GRIP1: variants seen among roughly 807,000 people sequenced by gnomAD.
The protein encoded by GRIP1 is glutamate receptor-interacting protein 1.
Under a neutral mutation model 129.9 loss-of-function variants are expected in GRIP1, and 45 were observed. That is an observed-to-expected ratio of 0.35 (90% confidence interval 0.27 to 0.44). The LOEUF (loss-of-function observed/expected upper bound fraction) is 0.44. Ranked by LOEUF, GRIP1 falls within the 20% of genes least tolerant of loss-of-function variation. The pLI is 1.00. For synonymous variants in GRIP1, 530 were observed against 520.8 expected (o/e 1.02, Z -0.24); for missense variants, 1,196 against 1,396.8 (o/e 0.86, Z 2.29).
intron 4 of GRIP1, 125 bp from the exon 5 acceptor site, chr12:66,530,039 T>G: frequency 1.5e-6 from 1 of 675,182 alleles, no homozygotes; most frequent in Non-Finnish European, 2.6e-6. Flanking sequence ...TAAGCAACAA[T>G]TCCTTTTCAA....
At chr12:66,529,318 A>G (rs2061367992) in intron 5 of GRIP1, among the ~76,000 whole-genome samples, 1 of 152,214 alleles carries the variant, frequency 6.6e-6, no homozygotes, top group South Asian at 2.1e-4. Flanking sequence ...AAGTCATAAT[A>G]CAAAAAAGAT....
chr12:66,935,890 T>G (rs1176527377), intron 1 of GRIP1, among the ~76,000 whole-genome samples: 1 of 152,200 alleles, frequency 6.6e-6, no homozygotes, highest in Non-Finnish European at 1.5e-5. Flanking sequence ...TGCATACTAT[T>G]AAGTTAGGTT....
intron 1 of GRIP1, among the ~76,000 whole-genome samples, chr12:66,961,218 G>C (rs994651458): frequency 1.3e-5 from 2 of 148,422 alleles, no homozygotes; most frequent in Admixed American, 6.6e-5. Flanking sequence ...GAGCAGAGAC[G>C]GAGGAGGAGC....
chr12:66,365,868 A>G (rs893076487), intron 23 of GRIP1, among the ~76,000 whole-genome samples: 3 of 152,188 alleles, frequency 2.0e-5, no homozygotes, highest in Non-Finnish European at 4.4e-5. Flanking sequence ...TGGTGACTTT[A>G]CCAGAAAAAA....
At chr12:66,610,033 G>A (rs1239228690) in intron 1 of GRIP1, among the ~76,000 whole-genome samples, 1 of 152,018 alleles carries the variant, frequency 6.6e-6, no homozygotes, top group Non-Finnish European at 1.5e-5. Context: ...AGAAGTCAAA[G>A]CTTTAGAAGT....
At chr12:66,832,738 T>C (rs1050723734) in intron 1 of GRIP1, among the ~76,000 whole-genome samples, 1 of 152,154 alleles carries the variant, frequency 6.6e-6, no homozygotes, top group African/African-American at 2.4e-5. Flanking sequence ...GGCAAATCTT[T>C]AAAAATGGAA....
chr12:66,850,444 C>T (rs928970507), intron 1 of GRIP1, among the ~76,000 whole-genome samples: 5 of 152,062 alleles, frequency 3.3e-5, no homozygotes, highest in Non-Finnish European at 7.4e-5. Context: ...ACTGTATTTT[C>T]AGGTTGCAAA....
chr12:66,522,997 CA>C (rs1485586722), intron 5 of GRIP1, among the ~76,000 whole-genome samples: 4 of 152,056 alleles, frequency 2.6e-5, no homozygotes, highest in African/African-American at 9.7e-5. Context: ...TAAAAAGAAA[CA>C]AACAAAGCCT....
intron 1 of GRIP1, among the ~76,000 whole-genome samples, chr12:66,734,096 C>A (rs201049829): frequency 6.6e-6 from 1 of 152,052 alleles, no homozygotes; most frequent in Non-Finnish European, 1.5e-5. Flanking sequence ...ATCCTGAGAT[C>A]GGAATGCTAC....
Position 66,641,288 on chromosome 12 carries a change from AG to A in GRIP1, c.55+37561del, listed in dbSNP as rs557902773. On this transcript the variant is annotated intron_variant, in intron 1 of 24. Transcript: ENST00000359742. ...ATCTGCACAGGTGCTACCACTAACC[AG>A]GGGCAAGGGCAGCTAAGCCAGCCAG... is the stretch of plus-strand genomic sequence containing the variant. 3.1e-4 allele frequency among the ~76,000 whole-genome samples: 47 copies of A among 152,326 alleles called. 1 individual carries two copies. Among genetic ancestry groups the A allele is most frequent in the Non-Finnish European group, 5.9e-4 (40 of 68,018 alleles).
At chr12:66,805,443 C>T (rs947965300), upstream of GRIP1, among the ~76,000 whole-genome samples, 11 of 152,104 alleles carry the variant, frequency 7.2e-5, no homozygotes, top group Non-Finnish European at 1.3e-4. Flanking sequence ...GAACTTTTAA[C>T]ACCAGGAAAA....
chr12:66,841,086 A>T (rs549921141), intron 1 of GRIP1, among the ~76,000 whole-genome samples: 1 of 152,348 alleles, frequency 6.6e-6, no homozygotes, highest in Admixed American at 6.5e-5. Flanking sequence ...AAATTTAACT[A>T]AACATCCCAT....
chr12:66,622,067 T>C (rs1283982298), intron 1 of GRIP1, among the ~76,000 whole-genome samples: 2 of 152,202 alleles, frequency 1.3e-5, no homozygotes, highest in Admixed American at 1.3e-4. Context: ...GTCAATAATG[T>C]ACTTTGATGT....
chr12:66,465,498 T>A, intron 7 of GRIP1, 76 bp from the exon 8 acceptor site: 7 of 1,124,004 alleles, frequency 6.2e-6, no homozygotes, highest in Non-Finnish European at 8.0e-6. Context: ...AGATGAAGAA[T>A]ATTCAGTTTG....
chr12:66,473,449 G>T (rs148961281), intron 7 of GRIP1, among the ~76,000 whole-genome samples: 40,216 of 152,096 alleles, frequency 0.26, 5,509 homozygotes, highest in Middle Eastern at 0.42. Context: ...GAGAGCAGCA[G>T]ATCTCCCAGC....
At chr12:66,687,745 C>T (rs1023105385) in intron 1 of GRIP1, among the ~76,000 whole-genome samples, 1 of 152,138 alleles carries the variant, frequency 6.6e-6, no homozygotes, top group Non-Finnish European at 1.5e-5. Context: ...TTTTCTCTTG[C>T]GGACCCACTC....
At chr12:66,974,071 C>T (rs1459437049) in intron 1 of GRIP1, among the ~76,000 whole-genome samples, 4 of 151,714 alleles carry the variant, frequency 2.6e-5, no homozygotes, top group Non-Finnish European at 5.9e-5. Flanking sequence ...ATTACAGGCG[C>T]CTGCCAACAC....
At chr12:66,919,320 C>T (rs1441869639) in intron 1 of GRIP1, among the ~76,000 whole-genome samples, 1 of 152,160 alleles carries the variant, frequency 6.6e-6, no homozygotes, top group Admixed American at 6.6e-5. Context: ...TTGGTGAGAA[C>T]AGAACAGAGC....
At chr12:66,532,540 T>TCATTA (rs2061490889) in intron 4 of GRIP1, among the ~76,000 whole-genome samples, 1 of 152,200 alleles carries the variant, frequency 6.6e-6, no homozygotes, top group South Asian at 2.1e-4. Context: ...GTTGTGAACT[T>TCATTA]TCCTACCTCA....
Sources: allele counts gnomAD v4.1 joint callset (sites outside exome capture counted in the v4.1 genomes callset), GRCh38; gene constraint gnomAD v4.1.1; transcripts MANE v1.5; gene names NCBI Gene and HGNC (gene_info 2026-07-23, HGNC 2026-07-21).